MTF2: variants seen among roughly 807,000 people sequenced by gnomAD.
MTF2 encodes metal-response element-binding transcription factor 2.
Under a neutral mutation model 79.5 loss-of-function variants are expected in MTF2, and 11 were observed. The ratio of observed to expected loss-of-function variants is 0.14; its 90% CI spans 0.09 to 0.23. The LOEUF (loss-of-function observed/expected upper bound fraction) is 0.23, where lower values mean the gene tolerates loss of function less well. MTF2 is among the 10% of genes least tolerant of loss of function. The pLI is 1.00. For synonymous variants in MTF2, 208 were observed against 232.8 expected (o/e 0.89, Z 0.97); for missense variants, 486 against 711.2 (o/e 0.68, Z 3.60).
chr1:93,125,557 AAAAGAT>A (rs1376803898), intron 9 of MTF2, among the ~76,000 whole-genome samples: 4 of 152,198 alleles, frequency 2.6e-5, no homozygotes, highest in Middle Eastern at 3.4e-3. Flanking sequence ...GAATCAAGAG[AAAAGAT>A]CTGGAACATT....
chr1:93,092,412 C>G (rs998012136), intron 1 of MTF2, among the ~76,000 whole-genome samples: 1 of 152,112 alleles, frequency 6.6e-6, no homozygotes, highest in Admixed American at 6.6e-5. Flanking sequence ...ATGCTACTTG[C>G]TAAAAGTTTA....
At chr1:93,079,611 A>G (rs1654511833) in intron 1 of MTF2, 80 bp downstream of exon 1, 1 of 1,570,260 alleles carries the variant, frequency 6.4e-7, no homozygotes, top group African/African-American at 1.4e-5. Context: ...AAGCAAGTAT[A>G]AAAGGGAAAG....
chr1:93,116,521 T>TTTTG (rs1656256025), intron 6 of MTF2, among the ~76,000 whole-genome samples: 2 of 150,504 alleles, frequency 1.3e-5, no homozygotes, highest in Admixed American at 1.3e-4. Flanking sequence ...TTTTTTTTTT[T>TTTTG]GAGACAGGTT....
chr1:93,102,856 G>A (rs1655602859), intron 1 of MTF2, among the ~76,000 whole-genome samples: 1 of 152,100 alleles, frequency 6.6e-6, no homozygotes, highest in Non-Finnish European at 1.5e-5. Context: ...TATGGGCCAG[G>A]CACGGTGGCT....
At chr1:93,129,537 G>A (rs2101090202) in intron 11 of MTF2, 89 bp downstream of exon 11, 1 of 805,564 alleles carries the variant, frequency 1.2e-6, no homozygotes, top group Non-Finnish European at 1.7e-6. Context: ...ATATTTGAAA[G>A]TACAAGTGGC....
At chr1:93,079,632 A>C in intron 1 of MTF2, 101 bp downstream of exon 1, 5 of 1,384,538 alleles carry the variant, frequency 3.6e-6, no homozygotes, top group Non-Finnish European at 5.1e-6. Flanking sequence ...ATGGAGGACC[A>C]AGGTGGGGGT....
intron 1 of MTF2, among the ~76,000 whole-genome samples, chr1:93,105,098 A>C (rs933909891): frequency 7.7e-5 from 11 of 143,464 alleles, no homozygotes; most frequent in East Asian, 4.3e-4. Flanking sequence ...GAGCCGAGAT[A>C]GCGCCACTGC....
intron 14 of MTF2, among the ~76,000 whole-genome samples, chr1:93,135,239 C>T (rs374960488): frequency 6.6e-5 from 10 of 152,026 alleles, no homozygotes; most frequent in African/African-American, 9.7e-5. Context: ...CCCAAAGTGC[C>T]GGGATTACAG....
At chr1:93,111,306 G>T (rs1656019863) in intron 3 of MTF2, among the ~76,000 whole-genome samples, 1 of 152,096 alleles carries the variant, frequency 6.6e-6, no homozygotes, top group African/African-American at 2.4e-5. Context: ...TATTTTAGCT[G>T]TTCATTAAAG....
chr1:93,087,274 AT>A (rs578140289), intron 1 of MTF2, among the ~76,000 whole-genome samples: 137 of 152,284 alleles, frequency 9.0e-4, no homozygotes, highest in African/African-American at 2.9e-3. Context: ...AGTTAGACTT[AT>A]AAAAAAGGCC....
intron 3 of MTF2, among the ~76,000 whole-genome samples, chr1:93,114,461 A>G (rs992719536): frequency 5.9e-5 from 9 of 152,268 alleles, no homozygotes; most frequent in Non-Finnish European, 1.0e-4. Context: ...AATTTAAATT[A>G]TGCCTTCTGC....
At chr1:93,135,553 G>C (rs903832100) in intron 14 of MTF2, among the ~76,000 whole-genome samples, 1 of 151,748 alleles carries the variant, frequency 6.6e-6, no homozygotes, top group African/African-American at 2.4e-5. Flanking sequence ...CAATTTTTTG[G>C]CTGGGTGTGG....
At chr1:93,088,629 G>A (rs1286306488) in intron 1 of MTF2, among the ~76,000 whole-genome samples, 2 of 151,994 alleles carry the variant, frequency 1.3e-5, no homozygotes, top group African/African-American at 2.4e-5. Flanking sequence ...GCAGTGGTGC[G>A]ATCTCGGCTC....
chr1:93,125,067 A>G (rs1345341908), intron 9 of MTF2, among the ~76,000 whole-genome samples: 4 of 152,008 alleles, frequency 2.6e-5, no homozygotes, highest in Admixed American at 6.6e-5. Context: ...TTTCTGAGAA[A>G]CGGTAGGGAG....
chr1:93,127,912 A>G (rs751740810), intron 10 of MTF2, among the ~76,000 whole-genome samples: 4 of 152,088 alleles, frequency 2.6e-5, no homozygotes, highest in Non-Finnish European at 4.4e-5. Context: ...TTTAAATGCA[A>G]CAAATTTTAT....
At position 93,133,747 on chromosome 1, in the gene MTF2, T is replaced by C; in HGVS notation, c.1205T>C (p.Val402Ala). 2 of 1,612,404 alleles carry C rather than the reference T, an allele frequency of 1.2e-6. No homozygotes were observed. Among genetic ancestry groups the C allele is most frequent in the Non-Finnish European group, 1.7e-6 (2 of 1,179,498 alleles). ...GAAAAAAAAGGAAAGAAAAAATCTG[T>C]AGGTCGTCCACCTGGCCCATATACA... ...GIEKKGKKKSVGRPPGPYTRK... is the reference protein window; with the variant it reads ...GIEKKGKKKSAGRPPGPYTRK... The change falls in exon 12 of 15, where the codon GTA becomes GCA. Residue 402 changes from valine (V) to alanine (A), a missense_variant. Transcript: ENST00000370298.
intron 1 of MTF2, among the ~76,000 whole-genome samples, chr1:93,084,760 G>A (rs1654767001): frequency 6.6e-6 from 1 of 152,154 alleles, no homozygotes; most frequent in Non-Finnish European, 1.5e-5. Context: ...GGAGGCTGAG[G>A]CAGGAGGATT....
At chr1:93,127,185 A>G (rs1457278053) in intron 9 of MTF2, 47 bp from the exon 10 acceptor site, 2 of 1,291,326 alleles carry the variant, frequency 1.5e-6, no homozygotes, top group East Asian at 4.6e-5. Flanking sequence ...GTATATTACT[A>G]ATTGATGAAA....
At position 93,136,653 on chromosome 1, in the gene MTF2, C is replaced by T. The variant is rs1472613987; in HGVS notation, c.1425-17C>T. Reference sequence around the variant, plus strand: ...AAAAAAGCTCAGTAGACAATTCTGGCCTTCTCTGTTACATAGATTATCTGA... The same window carrying T: ...AAAAAAGCTCAGTAGACAATTCTGGTCTTCTCTGTTACATAGATTATCTGA... On this transcript the variant is annotated splice_polypyrimidine_tract_variant and intron_variant, in intron 14 of 14. Transcript: ENST00000370298. 2 of 1,597,354 alleles carry T rather than the reference C, an allele frequency of 1.3e-6. No individual in the cohort carries two copies. The highest frequency in any genetic ancestry group is 3.5e-5 in the Admixed American group (2 of 57,436).
Sources: gnomAD v4.1 joint callset for allele counts (sites outside exome capture counted in the v4.1 genomes callset) on GRCh38, gnomAD v4.1.1 for gene constraint, MANE v1.5 for transcripts, NCBI Gene and HGNC (gene_info 2026-07-23, HGNC 2026-07-21) for gene names.